The following SYNPO2 variants were observed in gnomAD, a reference collection of about 807,000 sequenced individuals.
SYNPO2 encodes synaptopodin-2.
SYNPO2 carries 56 observed loss-of-function variants against 85.0 expected under a neutral mutation model. The ratio of observed to expected loss-of-function variants is 0.66; its 90% CI spans 0.53 to 0.82. The LOEUF is 0.82. Among genes scored for constraint, SYNPO2 ranks in the 40% least tolerant of loss-of-function variants. The pLI is 0.00. For missense variants in SYNPO2, 1,575 were observed against 1,534.2 expected, an observed-to-expected ratio of 1.03 and a Z score of -0.44; for synonymous variants, 602 against 591.1, an observed-to-expected ratio of 1.02 and a Z score of -0.27.
chr4:118,873,855 C>T (rs536693735), intron 1 of SYNPO2, among the ~76,000 whole-genome samples: 112 of 152,092 alleles, frequency 7.4e-4, no homozygotes, highest in Non-Finnish European at 1.4e-3. Context: ...AGTTGATTTT[C>T]GTATATGGTA....
At position 119,057,916 on chromosome 4, in the gene SYNPO2, A is replaced by T. The variant is rs774606623; in HGVS notation, c.3768A>T (p.Gly1256=). 6.2e-7 allele frequency: 1 copy of T among 1,611,120 alleles called. No homozygotes were observed. Among genetic ancestry groups the T allele is most frequent in the African/African-American group, 1.3e-5 (1 of 74,864 alleles). Residue 1256 remains glycine (G), a synonymous_variant, in exon 5 of 5, where the codon GGA becomes GGT. Coordinates refer to ENST00000307142, the MANE Select transcript of SYNPO2 (RefSeq NM_133477.3). ...ACAACTACAACCCACACCCAAGGGG[A>T]TGGAGACGCCAAACATGAAAGTTAG... ...ADYNYNPHPR[G]WRRQT
At chr4:118,860,557 T>C (rs1256956696) in intron 1 of SYNPO2, among the ~76,000 whole-genome samples, 1 of 68,786 alleles carries the variant, frequency 1.5e-5, no homozygotes, top group Admixed American at 1.7e-4. Flanking sequence ...TTTGCCTTTT[T>C]TTTTGTTTTT....
intron 1 of SYNPO2, among the ~76,000 whole-genome samples, chr4:118,904,679 C>T (rs1219043421): frequency 1.3e-5 from 2 of 151,932 alleles, no homozygotes; most frequent in African/African-American, 4.8e-5. Flanking sequence ...GACCTTATTA[C>T]TATATAAGGC....
intron 1 of SYNPO2, among the ~76,000 whole-genome samples, chr4:118,936,358 G>A (rs781680068): frequency 1.3e-5 from 2 of 152,130 alleles, no homozygotes; most frequent in African/African-American, 2.4e-5. Flanking sequence ...TTTTGAGACA[G>A]GGTCTTGCTA....
Position 119,030,060 on chromosome 4 carries a change from AAGG to A in SYNPO2, c.1290_1292del (p.Glu430del), listed in dbSNP as rs1380229171. ...GGCGGACGAGGAGGAAGAAGGTGAC[AAGG>A]AGGATACATGTGAAGTAGCATTTCT... On this transcript the variant is annotated inframe_deletion, in exon 4 of 5. Coordinates refer to ENST00000307142, the MANE Select transcript of SYNPO2 (RefSeq NM_133477.3). The A allele has an allele frequency of 6.2e-7, 1 of 1,614,130 alleles. No homozygotes were observed. Among genetic ancestry groups the A allele is most frequent in the East Asian group, 2.2e-5 (1 of 44,876 alleles).
chr4:118,856,208 G>A lies in SYNPO2; in HGVS notation c.12+5268G>A, dbSNP rs141423608. 3.8e-3 allele frequency among the ~76,000 whole-genome samples: 582 copies of A among 152,112 alleles called. 3 individuals are homozygous for A. Among genetic ancestry groups the A allele is most frequent in the Non-Finnish European group, 5.1e-3 (347 of 67,994 alleles). On this transcript the variant is annotated intron_variant, in intron 1 of 4. Transcript: ENST00000610556. ...AGCACTGTGTGCAAGTAACATATTC[G>A]GTGCTCAGAAAATGTCCTATCAAAT...
At chr4:118,977,996 T>C (rs1444133271) in intron 1 of SYNPO2, among the ~76,000 whole-genome samples, 7 of 152,202 alleles carry the variant, frequency 4.6e-5, no homozygotes, top group African/African-American at 1.7e-4. Flanking sequence ...CAACATAGTT[T>C]TGTTGTTATC....
intron 1 of SYNPO2, among the ~76,000 whole-genome samples, chr4:118,861,484 T>G (rs531795517): frequency 6.6e-6 from 1 of 152,286 alleles, no homozygotes; most frequent in South Asian, 2.1e-4. Context: ...CTCTTAGATT[T>G]AAGTCTTTAA....
chr4:119,007,584 A>T (rs1181190490), intron 1 of SYNPO2, among the ~76,000 whole-genome samples: 1 of 152,014 alleles, frequency 6.6e-6, no homozygotes, highest in Non-Finnish European at 1.5e-5. Context: ...TTCATCATTT[A>T]TCAGCCAACA....
intron 1 of SYNPO2, among the ~76,000 whole-genome samples, chr4:118,862,792 T>C (rs1040433635): frequency 1.3e-5 from 2 of 151,976 alleles, no homozygotes; most frequent in Non-Finnish European, 2.9e-5. Context: ...AGTTTTCTTT[T>C]CTTTCTTTCT....
At chr4:119,020,302 T>C (rs1417614349) in intron 1 of SYNPO2, among the ~76,000 whole-genome samples, 3 of 152,164 alleles carry the variant, frequency 2.0e-5, no homozygotes, top group African/African-American at 4.8e-5. Flanking sequence ...CAGCAGTTGA[T>C]TGTGAATGTT....
chr4:118,902,971 A>G (rs73842302), intron 1 of SYNPO2, among the ~76,000 whole-genome samples: 2,746 of 152,262 alleles, frequency 0.018, 100 homozygotes, highest in African/African-American at 0.063. Context: ...TATTTTTTGG[A>G]AACTAACCCA....
chr4:118,876,690 TTTCTTTCTTTC>T (rs1277704144), intron 1 of SYNPO2, among the ~76,000 whole-genome samples: 1 of 97,560 alleles, frequency 1.0e-5, no homozygotes, highest in Non-Finnish European at 2.2e-5. Flanking sequence ...TCTTTCTTTC[TTTCTTTCTTTC>T]TTTCTTTCTT....
rs116621341 is a variant in SYNPO2 at position 119,030,899 on chromosome 4, T to C, written c.2124T>C (p.Pro708=). The change falls in exon 4 of 5, where the codon CCT becomes CCC. Residue 708 remains proline, a synonymous_variant. Transcript: ENST00000307142. ...AAGAGCCCAAAGTAAGCCCAAATCC[T>C]GAACTCTTGTCACTCCTTCAAAATT... ...TFKEPKVSPN[P]ELLSLLQNSE... is the part of the protein sequence containing the mutation. 5.1e-4 allele frequency: 827 copies of C among 1,614,182 alleles called. 5 individuals carry two copies. The African/African-American group carries it at 0.01, about 20-fold the overall frequency.
chr4:118,964,297 A>AACACACACACAC (rs10523074), intron 1 of SYNPO2, among the ~76,000 whole-genome samples: 118 of 140,712 alleles, frequency 8.4e-4, no homozygotes, highest in Admixed American at 3.6e-3. Flanking sequence ...AAACACACAC[A>AACACACACACAC]ACACACACAC....
At chr4:119,051,052 AG>A (rs1739021151) in intron 4 of SYNPO2, among the ~76,000 whole-genome samples, 1 of 152,204 alleles carries the variant, frequency 6.6e-6, no homozygotes, top group South Asian at 2.1e-4. Flanking sequence ...GAAAAATAAC[AG>A]ATAGCAACAG....
At chr4:118,902,376 A>G (rs891940915) in intron 1 of SYNPO2, among the ~76,000 whole-genome samples, 1 of 152,224 alleles carries the variant, frequency 6.6e-6, no homozygotes, top group Non-Finnish European at 1.5e-5. Context: ...TCACAGTTCC[A>G]CGTGGCTGGA....
chr4:118,862,999 C>T (rs976065726), intron 1 of SYNPO2, among the ~76,000 whole-genome samples: 4 of 151,994 alleles, frequency 2.6e-5, no homozygotes, highest in South Asian at 2.1e-4. Context: ...TTTGTAGAGA[C>T]GGGATTTCAC....
chr4:119,058,534 G>A lies in SYNPO2; in HGVS notation c.*600G>A, dbSNP rs1267714690. Reference sequence around the variant, plus strand: ...GTCCCACCCAGTCTGGAGTGCAATGGTGCGATCTTGGCTCACTGCAACCTG... The same window carrying A: ...GTCCCACCCAGTCTGGAGTGCAATGATGCGATCTTGGCTCACTGCAACCTG... On this transcript the variant is annotated 3_prime_UTR_variant, in exon 5 of 5. Coordinates refer to ENST00000307142, the MANE Select transcript of SYNPO2 (RefSeq NM_133477.3). The A allele has an allele frequency of 7.1e-6, 1 of 139,926 alleles. No individual in the cohort carries two copies. The highest frequency in any genetic ancestry group is 2.7e-5 in the African/African-American group (1 of 37,648). 8.7% of individuals were successfully genotyped at this position (139,926 alleles called of 1,614,324 possible).
Sources: gnomAD v4.1 joint callset for allele counts (sites outside exome capture counted in the v4.1 genomes callset) on GRCh38, gnomAD v4.1.1 for gene constraint, MANE v1.5 for transcripts, NCBI Gene and HGNC (gene_info 2026-07-23, HGNC 2026-07-21) for gene names.